TAX1BP1: variants seen among roughly 807,000 people sequenced by gnomAD.
The protein encoded by TAX1BP1 is Tax1 binding protein 1.
Under a neutral mutation model 97.7 loss-of-function variants are expected in TAX1BP1, and 62 were observed. The ratio of observed to expected loss-of-function variants is 0.63; its 90% CI spans 0.52 to 0.78. The LOEUF (loss-of-function observed/expected upper bound fraction) is 0.78, where lower values mean the gene tolerates loss of function less well. TAX1BP1 is among the 30% of genes least tolerant of loss of function. TAX1BP1 has a pLI of 0.00. For missense variants in TAX1BP1, 867 were observed against 916.1 expected (o/e 0.95, Z 0.69); for synonymous variants, 340 against 304.2 (o/e 1.12, Z -1.23).
chr7:27,810,817 C>G (rs1438846894), intron 13 of TAX1BP1, among the ~76,000 whole-genome samples: 2 of 152,140 alleles, frequency 1.3e-5, no homozygotes, highest in Non-Finnish European at 2.9e-5. Context: ...TCATATTTTA[C>G]CAAGCCTGAA....
In TAX1BP1 at chr7:27,828,934, C is replaced by G. The variant is rs541215100; in HGVS notation, c.*105C>G. On this transcript the variant is annotated 3_prime_UTR_variant, in exon 17 of 17. Transcript: ENST00000396319. ...ACCATAGAGCGGATGCTTTCATGCACCCTTTACTGCACTTTCTGACCAGGA... is the reference window on the plus strand; with the variant it reads ...ACCATAGAGCGGATGCTTTCATGCAGCCTTTACTGCACTTTCTGACCAGGA... 1.2e-6 allele frequency: 1 copy of G among 848,296 alleles called. No individual in the cohort carries two copies. Among genetic ancestry groups the G allele is most frequent in the East Asian group, 2.7e-5 (1 of 37,494 alleles). The allele number at this position is 848,296 out of a possible 1,614,324, so 52.5% of individuals were successfully genotyped here.
chr7:27,827,521 C>T (rs1249281588), intron 15 of TAX1BP1, among the ~76,000 whole-genome samples: 1 of 152,152 alleles, frequency 6.6e-6, no homozygotes, highest in Non-Finnish European at 1.5e-5. Context: ...CCTCTGAATA[C>T]TGCTTTTTAT....
At chr7:27,827,495 A>G (rs1352741978) in intron 15 of TAX1BP1, among the ~76,000 whole-genome samples, 3 of 152,200 alleles carry the variant, frequency 2.0e-5, no homozygotes. Flanking sequence ...GTATGTGTAA[A>G]TGGTATGTCT....
intron 8 of TAX1BP1, 117 bp downstream of exon 8, chr7:27,787,720 A>G (rs1789541401): frequency 2.1e-6 from 2 of 950,208 alleles, no homozygotes; most frequent in Admixed American, 6.5e-5. Context: ...TCAAACTTAC[A>G]AAACAGTTGG....
intron 13 of TAX1BP1, among the ~76,000 whole-genome samples, chr7:27,806,321 G>T (rs1790336021): frequency 6.6e-6 from 1 of 151,668 alleles, no homozygotes; most frequent in Non-Finnish European, 1.5e-5. Context: ...CCTGACCTCA[G>T]GTGATCCACC....
At chr7:27,766,615 A>G (rs1282032108) in intron 4 of TAX1BP1, among the ~76,000 whole-genome samples, 3 of 152,142 alleles carry the variant, frequency 2.0e-5, no homozygotes, top group Non-Finnish European at 2.9e-5. Context: ...TGGATAGTGC[A>G]GTAAGTACCA....
At chr7:27,765,249 G>T (rs990383698) in intron 3 of TAX1BP1, among the ~76,000 whole-genome samples, 2 of 151,254 alleles carry the variant, frequency 1.3e-5, no homozygotes, top group African/African-American at 4.9e-5. Flanking sequence ...CTCCAGGTGG[G>T]CTCAAGCGAA....
intron 12 of TAX1BP1, among the ~76,000 whole-genome samples, chr7:27,797,674 G>A (rs548050634): frequency 1.3e-5 from 2 of 151,862 alleles, no homozygotes; most frequent in Admixed American, 1.3e-4. Flanking sequence ...TCCTGTGGAA[G>A]GGTTGATTAG....
At chr7:27,825,895 A>G (rs1791160191) in intron 15 of TAX1BP1, among the ~76,000 whole-genome samples, 1 of 152,216 alleles carries the variant, frequency 6.6e-6, no homozygotes, top group Admixed American at 6.5e-5. Flanking sequence ...TCTAAAAAAT[A>G]TAATATCAAG....
At position 27,826,679 on chromosome 7, in the gene TAX1BP1, G is replaced by A. The variant is rs191571820; in HGVS notation, c.2086-1059G>A. ...GTGTGTTTGGCTGTTGATGTAGCAC[G>A]TACAGATCTCTAAAAACTGCTGGGA... On this transcript the variant is annotated intron_variant, in intron 15 of 16. Transcript: ENST00000396319. Among the ~76,000 whole-genome samples, 41 of 152,264 alleles carry A rather than the reference G, an allele frequency of 2.7e-4. No homozygotes were observed. The East Asian group carries it at 5.8e-3, about 22-fold the overall frequency.
At chr7:27,767,654 T>G (rs1260238828) in intron 4 of TAX1BP1, among the ~76,000 whole-genome samples, 1 of 152,144 alleles carries the variant, frequency 6.6e-6, no homozygotes, top group Non-Finnish European at 1.5e-5. Context: ...ATTTATATTG[T>G]AGCTTTTTGA....
chr7:27,766,034 A>G lies in TAX1BP1; in HGVS notation c.453+13A>G. The G allele has an allele frequency of 6.2e-7, 1 of 1,606,750 alleles. No homozygotes were observed. On this transcript the variant is annotated intron_variant, in intron 4 of 16. Coordinates refer to ENST00000396319, the MANE Select transcript of TAX1BP1 (RefSeq NM_006024.7). ...AGGCCTTCTTGAGGTTGGTGTTCACAGTGAGATAGTGATTCATTGATAATT... is the reference window on the plus strand; with the variant it reads ...AGGCCTTCTTGAGGTTGGTGTTCACGGTGAGATAGTGATTCATTGATAATT...
At chr7:27,823,428 A>G (rs1016656239) in intron 15 of TAX1BP1, among the ~76,000 whole-genome samples, 2 of 152,184 alleles carry the variant, frequency 1.3e-5, no homozygotes, top group South Asian at 2.1e-4. Flanking sequence ...TTCTTCCTCA[A>G]TATTAATTAC....
chr7:27,787,658 A>G, intron 8 of TAX1BP1, 55 bp downstream of exon 8: 1 of 1,407,722 alleles, frequency 7.1e-7, no homozygotes, highest in Non-Finnish European at 9.5e-7. Flanking sequence ...TATGAAATGT[A>G]TGCAATATGA....
At chr7:27,818,478 C>T (rs187271451) in intron 15 of TAX1BP1, among the ~76,000 whole-genome samples, 6 of 151,972 alleles carry the variant, frequency 3.9e-5, no homozygotes, top group Admixed American at 1.3e-4. Context: ...TTGAGTTGAC[C>T]TGTTCTTTCT....
chr7:27,762,268 T>G (rs181131600), intron 3 of TAX1BP1, among the ~76,000 whole-genome samples: 2 of 152,342 alleles, frequency 1.3e-5, no homozygotes, highest in African/African-American at 4.8e-5. Flanking sequence ...TTAATAGCCT[T>G]TTTTAGATAA....
intron 12 of TAX1BP1, 50 bp downstream of exon 12, chr7:27,796,269 T>G (rs1789929752): frequency 7.4e-7 from 1 of 1,350,768 alleles, no homozygotes; most frequent in African/African-American, 1.5e-5. Context: ...TGTTAATGAC[T>G]TAGCTTACCT....
intron 13 of TAX1BP1, among the ~76,000 whole-genome samples, chr7:27,813,235 C>G (rs1790629616): frequency 6.7e-6 from 1 of 149,718 alleles, no homozygotes; most frequent in Non-Finnish European, 1.5e-5. Context: ...TTCACTGCAG[C>G]CTTGACCTCG....
At chr7:27,809,297 A>G (rs1391803674) in intron 13 of TAX1BP1, among the ~76,000 whole-genome samples, 1 of 152,264 alleles carries the variant, frequency 6.6e-6, no homozygotes, top group East Asian at 1.9e-4. Flanking sequence ...CAAATGTAAT[A>G]TGAAACAAAT....
Sources: allele counts gnomAD v4.1 joint callset (sites outside exome capture counted in the v4.1 genomes callset), GRCh38; gene constraint gnomAD v4.1.1; transcripts MANE v1.5; gene names NCBI Gene and HGNC (gene_info 2026-07-23, HGNC 2026-07-21).